DRAM1: variants seen among roughly 807,000 people sequenced by gnomAD.
The protein encoded by DRAM1 is DNA damage regulated autophagy modulator 1.
A neutral mutation model predicts 28.5 loss-of-function variants in DRAM1; 25 were observed. The ratio of observed to expected loss-of-function variants is 0.88; its 90% CI spans 0.64 to 1.23. DRAM1 has a LOEUF of 1.23. DRAM1 is among the 50% of genes most tolerant of loss of function. The probability of loss-of-function intolerance (pLI) is 0.00; values close to 1 mark genes in which losing one functional copy is unlikely to be tolerated. For synonymous variants in DRAM1, 113 were observed against 114.2 expected, an observed-to-expected ratio of 0.99 and a Z score of 0.07; for missense variants, 249 against 299.2, an observed-to-expected ratio of 0.83 and a Z score of 1.24.
intron 3 of DRAM1, 28 bp from the exon 4 acceptor site, chr12:101,908,158 T>G: frequency 6.3e-7 from 1 of 1,582,616 alleles, no homozygotes; most frequent in South Asian, 1.2e-5. Flanking sequence ...CCACCCAGAG[T>G]AACACACATT....
Position 101,908,274 on chromosome 12 carries a change from C to T in DRAM1, c.431C>T (p.Ser144Phe). ...VVYTLLQSII[S>F]YKSCPQWNSL... The stretch of plus-strand genomic sequence containing the variant: ...TACACGCTCCTACAGTCCATCATCT[C>T]TTACAAATCATGTCCCCAGTGGAAC... The change falls in exon 4 of 7, where the codon TCT becomes TTT. Residue 144 changes from serine (S) to phenylalanine (F), a missense_variant. Ser to Phe is a radical substitution (Grantham distance 155). This residue lies in a region of DRAM1 where 218 missense variants were observed against 243.1 expected (regional missense o/e 0.90). Transcript: ENST00000258534. The T allele has an allele frequency of 1.2e-6, 2 of 1,614,160 alleles. No individual in the cohort carries two copies. The highest frequency in any genetic ancestry group is 8.5e-7 in the Non-Finnish European group (1 of 1,180,026).
At chr12:101,878,734 C>T (rs747857836) in intron 1 of DRAM1, among the ~76,000 whole-genome samples, 9 of 152,148 alleles carry the variant, frequency 5.9e-5, no homozygotes, top group Non-Finnish European at 1.2e-4. Context: ...TTAGAACCAT[C>T]CATCCTTATC....
At chr12:101,890,009 T>A (rs1164589306) in intron 1 of DRAM1, 2 of 451,938 alleles carry the variant, frequency 4.4e-6, no homozygotes, top group Non-Finnish European at 8.8e-6. Flanking sequence ...TCAAGTAAGA[T>A]GTGCCTGGCG....
rs922825953 is a variant in DRAM1, at chr12:101,877,987, G to A, written c.131+67G>A. 6 of 1,365,574 alleles carry A rather than the reference G, an allele frequency of 4.4e-6. No individual in the cohort carries two copies. The highest frequency in any genetic ancestry group is 5.7e-6 in the Non-Finnish European group (6 of 1,044,666). The allele number at this position is 1,365,574 out of a possible 1,614,324, so 84.6% of individuals were successfully genotyped here. On this transcript the variant is annotated intron_variant, in intron 1 of 6. Coordinates refer to ENST00000258534, the MANE Select transcript of DRAM1 (RefSeq NM_018370.3). This position sits in a 1 kb window ranked among gnomAD's most constrained non-coding sequence, Gnocchi z 4.1. ...AGGGACCACAGGGAGCGCTGCCGAC[G>A]GGGAGGGAAGGCGTCCGGACCCAGC...
intron 1 of DRAM1, among the ~76,000 whole-genome samples, chr12:101,895,186 G>GTTTTTTTTTTTTTTGTTTTTGTTTTT (rs1873301395): frequency 4.0e-5 from 3 of 75,718 alleles, no homozygotes; most frequent in Middle Eastern, 0.011. Flanking sequence ...AACCCTTCAG[G>GTTTTTTTTTTTTTTGTTTTTGTTTTT]TTTTTTTTTT....
intron 3 of DRAM1, among the ~76,000 whole-genome samples, chr12:101,904,134 C>A (rs1159513579): frequency 6.6e-6 from 1 of 151,980 alleles, no homozygotes; most frequent in Non-Finnish European, 1.5e-5. Flanking sequence ...ATTACAGGCA[C>A]CTGGCACCAT....
At chr12:101,887,166 T>C (rs1159433744) in intron 1 of DRAM1, among the ~76,000 whole-genome samples, 2 of 143,954 alleles carry the variant, frequency 1.4e-5, no homozygotes, top group Non-Finnish European at 3.0e-5. Context: ...AAAAAATTGG[T>C]TAAATGCTTT....
At position 101,922,632 on chromosome 12, in the gene DRAM1, T is replaced by C. The variant is rs1347586445; in HGVS notation, c.*1372T>C. On this transcript the variant is annotated 3_prime_UTR_variant, in exon 7 of 7. Coordinates refer to ENST00000258534, the MANE Select transcript of DRAM1 (RefSeq NM_018370.3). Reference sequence around the variant, plus strand: ...CCCTCTATGTGTTTAGCATATGTTATTAGAACATGTCCGACACCCCTACCG... The same window carrying C: ...CCCTCTATGTGTTTAGCATATGTTACTAGAACATGTCCGACACCCCTACCG... 2 of 152,190 alleles carry C rather than the reference T, an allele frequency of 1.3e-5. No individual in the cohort carries two copies. Among genetic ancestry groups the C allele is most frequent in the Non-Finnish European group, 2.9e-5 (2 of 68,038 alleles). 9.4% of individuals were successfully genotyped at this position (152,190 alleles called of 1,614,324 possible).
At chr12:101,892,202 A>G (rs7138541) in intron 1 of DRAM1, among the ~76,000 whole-genome samples, 68,216 of 151,604 alleles carry the variant, frequency 0.45, 15,762 homozygotes, top group East Asian at 0.67. Context: ...AACATTTTTC[A>G]TTGAGAGGTA....
chr12:101,878,737 T>A (rs772069642), intron 1 of DRAM1, among the ~76,000 whole-genome samples: 22 of 152,136 alleles, frequency 1.4e-4, no homozygotes, highest in Non-Finnish European at 2.5e-4. Flanking sequence ...GAACCATCCA[T>A]CCTTATCTAA....
chr12:101,904,618 T>C (rs1394296301), intron 3 of DRAM1, among the ~76,000 whole-genome samples: 1 of 150,646 alleles, frequency 6.6e-6, no homozygotes, highest in Non-Finnish European at 1.5e-5. Context: ...ATTTTTTGTA[T>C]TTTTAGTAGA....
chr12:101,917,953 A>C (rs933767917), intron 5 of DRAM1, among the ~76,000 whole-genome samples: 4 of 152,204 alleles, frequency 2.6e-5, no homozygotes, highest in African/African-American at 9.6e-5. Context: ...CGCTGCTGGG[A>C]AGGGCTTATC....
intron 1 of DRAM1, 142 bp from the exon 2 acceptor site, chr12:101,897,721 A>G: frequency 4.6e-6 from 3 of 647,324 alleles, no homozygotes; most frequent in Non-Finnish European, 5.5e-6. Flanking sequence ...ATACTTTAGA[A>G]CAAAATCAGG....
chr12:101,904,990 A>G (rs1165585018), intron 3 of DRAM1, among the ~76,000 whole-genome samples: 2 of 152,142 alleles, frequency 1.3e-5, no homozygotes, highest in African/African-American at 4.8e-5. Flanking sequence ...GAACGCTTAG[A>G]CTAAGCCTTG....
At chr12:101,889,940 CAAAAAAAAA>C (rs778793274) in intron 1 of DRAM1, 6 of 245,552 alleles carry the variant, frequency 2.4e-5, no homozygotes, top group East Asian at 1.7e-4. Flanking sequence ...GACTCTGTCT[CAAAAAAAAA>C]AAAAAAAAAA....
chr12:101,895,186 G>GTTTTTTTT lies in DRAM1; in HGVS notation c.132-2654_132-2647dup, dbSNP rs574722379. On this transcript the variant is annotated intron_variant, in intron 1 of 6. Transcript: ENST00000258534. Reference sequence around the variant, plus strand: ...TAATGCTAAATTCGAAACCCTTCAGGTTTTTTTTTTTTTTTTTTTTTTTTT... The same window carrying GTTTTTTTT: ...TAATGCTAAATTCGAAACCCTTCAGGTTTTTTTTTTTTTTTTTTTTTTTTTTTTTTTTT... Among the ~76,000 whole-genome samples the GTTTTTTTT allele has an allele frequency of 1.5e-3, 110 of 75,722 alleles. 4 individuals carry two copies. The highest frequency in any genetic ancestry group is 5.7e-3 in the African/African-American group (103 of 18,070). 49.7% of individuals were successfully genotyped at this position (75,722 alleles called of 152,430 possible). A position where few individuals can be genotyped will look rare whatever the true frequency, so the allele number is the denominator to read the frequency against.
At chr12:101,901,190 T>TG in intron 2 of DRAM1, 101 bp from the exon 3 acceptor site, 1 of 1,344,412 alleles carries the variant, frequency 7.4e-7, no homozygotes. Flanking sequence ...TGGGGAGACT[T>TG]GCAATCAGTA....
At chr12:101,878,765 G>T (rs1872586930) in intron 1 of DRAM1, among the ~76,000 whole-genome samples, 1 of 152,136 alleles carries the variant, frequency 6.6e-6, no homozygotes, top group South Asian at 2.1e-4. Flanking sequence ...GACCCCTCTG[G>T]ACAGGCATTG....
At chr12:101,881,141 G>C (rs893678121) in intron 1 of DRAM1, among the ~76,000 whole-genome samples, 2 of 152,166 alleles carry the variant, frequency 1.3e-5, no homozygotes, top group Non-Finnish European at 2.9e-5. Context: ...TTAGCTGAGC[G>C]TGGTGGCACA....
Sources: gnomAD v4.1 joint callset for allele counts (sites outside exome capture counted in the v4.1 genomes callset) on GRCh38, gnomAD v4.1.1 for gene constraint, gnomAD v4.1.1 regional missense constraint, Gnocchi (gnomAD v3.1) non-coding constraint, MANE v1.5 for transcripts, NCBI Gene and HGNC (gene_info 2026-07-23, HGNC 2026-07-21) for gene names.